Variants in SGK1 observed in about 807,000 individuals in gnomAD.
The protein encoded by SGK1 is serum/glucocorticoid regulated kinase 1.
Under a neutral mutation model 64.2 loss-of-function variants are expected in SGK1, and 26 were observed. That is an observed-to-expected ratio of 0.40 (90% CI 0.30 to 0.56). SGK1 has a LOEUF of 0.56. SGK1 is among the 20% of genes least tolerant of loss of function. The pLI is 0.38. For missense variants in SGK1, 519 were observed against 645.6 expected (o/e 0.80, Z 2.12); for synonymous variants, 265 against 239.7 (o/e 1.11, Z -0.98).
intron 1 of SGK1, among the ~76,000 whole-genome samples, chr6:134,302,702 G>A (rs9493891): frequency 0.12 from 18,348 of 152,064 alleles, 1,299 homozygotes; most frequent in African/African-American, 0.19. Flanking sequence ...CTTTACATGC[G>A]TTAGGTCATT....
Position 134,271,967 on chromosome 6 carries a change from G to A in SGK1, c.70-9819C>T, listed in dbSNP as rs188374678. Among the ~76,000 whole-genome samples, 19 of 146,486 alleles carry A rather than the reference G, an allele frequency of 1.3e-4. 1 individual carries two copies. The highest frequency in any genetic ancestry group is 4.4e-4 in the African/African-American group (18 of 40,864). ...AGCAATTCTCCTGCCTCAGCCTCCCGAGTAACTAGGACTACAGGCACACAC... is the reference window on the plus strand; with the variant it reads ...AGCAATTCTCCTGCCTCAGCCTCCCAAGTAACTAGGACTACAGGCACACAC... On this transcript the variant is annotated intron_variant, in intron 1 of 13. Transcript: ENST00000367858.
At chr6:134,303,348 C>T (rs183067589) in intron 1 of SGK1, among the ~76,000 whole-genome samples, 139 of 151,754 alleles carry the variant, frequency 9.2e-4, no homozygotes, top group African/African-American at 3.1e-3. Flanking sequence ...GCCAAGATGG[C>T]GCCACTGCAC....
rs1328419998 is a variant in SGK1 at position 134,207,393 on chromosome 6, C to G, written c.324G>C (p.Lys108Asn). The part of the protein sequence containing the change: ...EPCNHANILT[K>N]PDPRTFWTND... ...TAGTCCAGAAGGTTCTTGGATCGGG[C>G]TTGGTCAGGATGTTGGCATGATTAC... The change falls in exon 3 of 14, where the codon AAG (lysine) becomes AAC (asparagine). Residue 108 changes from lysine (K) to asparagine (N), a missense_variant. Around this residue, in one of 2 missense-constraint regions of SGK1, gnomAD observed 241 missense variants for 236.9 expected, o/e 1.02. Transcript: ENST00000367858. The G allele has an allele frequency of 1.9e-6, 3 of 1,612,676 alleles. No individual in the cohort carries two copies. The highest frequency in any genetic ancestry group is 2.5e-6 in the Non-Finnish European group (3 of 1,178,902).
chr6:134,176,776 A>T (rs1775244552), intron 3 of SGK1, among the ~76,000 whole-genome samples: 1 of 152,118 alleles, frequency 6.6e-6, no homozygotes, highest in Admixed American at 6.5e-5. Context: ...TTGCAGGCAA[A>T]ACCACCCCCA....
At chr6:134,176,675 T>C (rs1357193670) in intron 3 of SGK1, among the ~76,000 whole-genome samples, 6 of 152,220 alleles carry the variant, frequency 3.9e-5, no homozygotes. Flanking sequence ...TAAAGTTGCC[T>C]ACTGGATCTG....
intron 1 of SGK1, among the ~76,000 whole-genome samples, chr6:134,266,331 G>A (rs981821658): frequency 2.6e-5 from 4 of 152,120 alleles, no homozygotes; most frequent in East Asian, 1.9e-4. Context: ...TTGTGAGGCC[G>A]GTTGTGGTGG....
chr6:134,310,599 G>A (rs752337012), intron 1 of SGK1, among the ~76,000 whole-genome samples: 1 of 152,130 alleles, frequency 6.6e-6, no homozygotes, highest in Non-Finnish European at 1.5e-5. Context: ...TTGTTTGTTT[G>A]TTTTTTGAGA....
intron 3 of SGK1, among the ~76,000 whole-genome samples, chr6:134,189,224 G>GTA (rs1375627353): frequency 1.4e-5 from 2 of 139,666 alleles, no homozygotes; most frequent in Non-Finnish European, 3.0e-5. Flanking sequence ...GTGTGTGTGT[G>GTA]TGTGCGTGTG....
intron 1 of SGK1, chr6:134,297,349 C>T (rs1173152021): frequency 9.9e-6 from 10 of 1,013,988 alleles, no homozygotes; most frequent in Admixed American, 1.7e-5. Context: ...CGCTGCAGGG[C>T]GGCCTCCAGC....
intron 3 of SGK1, among the ~76,000 whole-genome samples, chr6:134,187,715 T>C (rs556979088): frequency 6.6e-6 from 1 of 152,340 alleles, no homozygotes; most frequent in African/African-American, 2.4e-5. Context: ...AGCAGTGCTG[T>C]GTCTGTGTGG....
intron 1 of SGK1, among the ~76,000 whole-genome samples, chr6:134,268,550 G>T (rs1776890882): frequency 6.7e-6 from 1 of 149,256 alleles, no homozygotes; most frequent in Non-Finnish European, 1.5e-5. Flanking sequence ...GTGAAACCCC[G>T]TCTCTACTAA....
Position 134,174,824 on chromosome 6 carries a change from CAG to C in SGK1, c.362-240_362-239del, listed in dbSNP as rs770395102. On this transcript the variant is annotated intron_variant, in intron 3 of 13. Coordinates refer to ENST00000367858, the MANE Select transcript of SGK1 (RefSeq NM_001143676.3). ...CACCGTCATCACCACCGCGGGGAGA[CAG>C]AAAGACGTTAGCGCTCAAAGACCGG... is the stretch of plus-strand genomic sequence containing the variant. 30 of 1,613,834 alleles carry C rather than the reference CAG, an allele frequency of 1.9e-5. No homozygotes were observed. The Admixed American group carries it at 3.5e-4, about 19-fold the overall frequency.
At chr6:134,261,515 G>A (rs1481026187) in intron 2 of SGK1, 4 of 353,208 alleles carry the variant, frequency 1.1e-5, no homozygotes, top group Non-Finnish European at 2.0e-5. Context: ...GTGGAGGGCA[G>A]AGGATTTTTA....
chr6:134,197,727 G>A (rs1207255215), intron 3 of SGK1, among the ~76,000 whole-genome samples: 1 of 152,004 alleles, frequency 6.6e-6, no homozygotes, highest in South Asian at 2.1e-4. Flanking sequence ...TTGGGAGGCA[G>A]AGGCAGGAGA....
At position 134,313,156 on chromosome 6, in the gene SGK1, A is replaced by G. The variant is rs1052120285; in HGVS notation, c.69+4236T>C. Among the ~76,000 whole-genome samples the G allele has an allele frequency of 5.3e-5, 8 of 152,368 alleles. 1 individual carries two copies. Among genetic ancestry groups the G allele is most frequent in the Admixed American group, 5.2e-4 (8 of 15,306 alleles). On this transcript the variant is annotated intron_variant, in intron 1 of 13. Coordinates refer to ENST00000367858, the MANE Select transcript of SGK1 (RefSeq NM_001143676.3). The stretch of plus-strand genomic sequence containing the variant: ...TATTAATGCCATTTAAGTCATAGTT[A>G]TTAGAAAAGCTACTGTTATTAAAGA...
chr6:134,187,781 G>C (rs1212997286), intron 3 of SGK1, among the ~76,000 whole-genome samples: 1 of 152,226 alleles, frequency 6.6e-6, no homozygotes, highest in Admixed American at 6.5e-5. Flanking sequence ...AGTTGTGGCA[G>C]AAGCATTGTG....
At chr6:134,205,571 T>G (rs1562249921) in intron 3 of SGK1, among the ~76,000 whole-genome samples, 1 of 152,344 alleles carries the variant, frequency 6.6e-6, no homozygotes, top group East Asian at 1.9e-4. Flanking sequence ...CTAGGAGAGC[T>G]GCTTCTTCCT....
chr6:134,219,124 A>G (rs1398195163), intron 2 of SGK1, among the ~76,000 whole-genome samples: 1 of 152,122 alleles, frequency 6.6e-6, no homozygotes, highest in Non-Finnish European at 1.5e-5. Flanking sequence ...CTGAGATTAC[A>G]GGTGCGTGCC....
At chr6:134,256,676 A>T (rs1620239) in intron 2 of SGK1, among the ~76,000 whole-genome samples, 97,840 of 152,050 alleles carry the variant, frequency 0.64, 32,344 homozygotes, top group South Asian at 0.78. Context: ...ATACTACAAC[A>T]TGTGTTCCAG....
Sources: gnomAD v4.1 joint callset for allele counts (sites outside exome capture counted in the v4.1 genomes callset) on GRCh38, gnomAD v4.1.1 for gene constraint, gnomAD v4.1.1 regional missense constraint, MANE v1.5 for transcripts, NCBI Gene and HGNC (gene_info 2026-07-23, HGNC 2026-07-21) for gene names.